The following BRSK1 variants were observed in gnomAD, a reference collection of about 807,000 sequenced individuals.
BRSK1 encodes BR serine/threonine kinase 1, also known as serine/threonine-protein kinase BRSK1.
A neutral mutation model predicts 86.2 loss-of-function variants in BRSK1; 17 were observed. The observed-to-expected ratio is 0.20, with a 90% CI of 0.14 to 0.30. The LOEUF is 0.30. Ranked by LOEUF, BRSK1 falls within the 10% of genes least tolerant of loss-of-function variation. The pLI is 1.00. For missense variants in BRSK1, 719 were observed against 1,071.9 expected, an observed-to-expected ratio of 0.67 and a Z score of 4.60; for synonymous variants, 464 against 440.1, an observed-to-expected ratio of 1.05 and a Z score of -0.68.
rs545385444 is a variant in BRSK1, at chr19:55,303,210, A to G, written c.1029-101A>G. 11 of 934,792 alleles carry G rather than the reference A, an allele frequency of 1.2e-5. No individual in the cohort carries two copies. The South Asian group carries it at 1.3e-4, about 11-fold the overall frequency. The allele number at this position is 934,792 out of a possible 1,614,324, so 57.9% of individuals were successfully genotyped here. ...ACTGATACCTAGAAAAAATGGAACC[A>G]TGGGCAGAAATACAGGGAGCGGAGG... On this transcript the variant is annotated intron_variant, in intron 10 of 18. Coordinates refer to ENST00000309383, the MANE Select transcript of BRSK1 (RefSeq NM_032430.2). This position sits in a 1 kb window ranked among gnomAD's most constrained non-coding sequence, Gnocchi z 5.1.
chr19:55,285,646 C>T (rs1178507797), intron 1 of BRSK1, among the ~76,000 whole-genome samples: 1 of 152,134 alleles, frequency 6.6e-6, no homozygotes, highest in East Asian at 1.9e-4. Context: ...AGGCGCGTCT[C>T]CTGGAGCGGC....
intron 4 of BRSK1, among the ~76,000 whole-genome samples, chr19:55,290,465 GA>G (rs1435830546): frequency 1.3e-5 from 2 of 151,818 alleles, no homozygotes; most frequent in Non-Finnish European, 2.9e-5. Flanking sequence ...ATTTAACAAA[GA>G]AAAAAAGAAT....
intron 16 of BRSK1, 26 bp downstream of exon 16, chr19:55,305,612 C>T (rs1018451670): frequency 6.2e-7 from 1 of 1,613,436 alleles, no homozygotes; most frequent in Non-Finnish European, 8.5e-7. Context: ...CCCCATCGAG[C>T]CTGGCCCCCG....
At position 55,306,919 on chromosome 19, in the gene BRSK1, G is replaced by A. The variant is rs1024267755; in HGVS notation, c.2089+469G>A. Among the ~76,000 whole-genome samples, 3 of 152,178 alleles carry A rather than the reference G, an allele frequency of 2.0e-5. No individual in the cohort carries two copies. Among genetic ancestry groups the A allele is most frequent in the African/African-American group, 7.2e-5 (3 of 41,440 alleles). ...GCACACTGCTGTCTAATATCAGTCTGCCCAGAGCAGACATTACCAATTGAT... is the reference window on the plus strand; with the variant it reads ...GCACACTGCTGTCTAATATCAGTCTACCCAGAGCAGACATTACCAATTGAT... On this transcript the variant is annotated intron_variant, in intron 17 of 18. Transcript: ENST00000309383. The surrounding 1 kb of genome is among the most constrained non-coding windows in gnomAD (Gnocchi z 4.7).
chr19:55,290,689 T>C (rs1468738545), intron 4 of BRSK1, among the ~76,000 whole-genome samples: 1 of 151,988 alleles, frequency 6.6e-6, no homozygotes, highest in Non-Finnish European at 1.5e-5. Context: ...TCACCCAGGC[T>C]GGAGTGCAGT....
rs1023580333 is a variant in BRSK1, at chr19:55,304,485, T to C, written c.1348-66T>C. On this transcript the variant is annotated intron_variant, in intron 13 of 18. Transcript: ENST00000309383. This position sits in a 1 kb window ranked among gnomAD's most constrained non-coding sequence, Gnocchi z 5.2. ...CAGCGTCCGTGAGTGTGCGTGTGAGTGGGGCTCCTAGAGCCTCCTGGGAGT... is the reference window on the plus strand; with the variant it reads ...CAGCGTCCGTGAGTGTGCGTGTGAGCGGGGCTCCTAGAGCCTCCTGGGAGT... 11 of 1,467,256 alleles carry C rather than the reference T, an allele frequency of 7.5e-6. No homozygotes were observed. The highest frequency in any genetic ancestry group is 9.0e-6 in the Non-Finnish European group (10 of 1,107,952). The allele number at this position is 1,467,256 out of a possible 1,614,324, so 90.9% of individuals were successfully genotyped here.
chr19:55,286,785 G>A (rs537085893), intron 1 of BRSK1, among the ~76,000 whole-genome samples: 2 of 151,952 alleles, frequency 1.3e-5, no homozygotes, highest in South Asian at 4.2e-4. Flanking sequence ...GCACCTGGCT[G>A]GATGGACAGT....
Position 55,294,576 on chromosome 19 carries a change from A to G in BRSK1, c.678+179A>G, listed in dbSNP as rs556766745. Among the ~76,000 whole-genome samples, 37 of 152,190 alleles carry G rather than the reference A, an allele frequency of 2.4e-4. 1 individual carries two copies. The South Asian group carries it at 7.7e-3, about 32-fold the overall frequency. On this transcript the variant is annotated intron_variant, in intron 7 of 18. Coordinates refer to ENST00000309383, the MANE Select transcript of BRSK1 (RefSeq NM_032430.2). The surrounding 1 kb of genome is among the most constrained non-coding windows in gnomAD (Gnocchi z 4.9). The stretch of plus-strand genomic sequence containing the variant: ...GAGTGCAGTGGTGTGATCTCAGCTC[A>G]CTGCAACCTCTGCCTCCCAGCTTCA...
At position 55,306,277 on chromosome 19, in the gene BRSK1, T is replaced by C; in HGVS notation, c.1916T>C (p.Leu639Pro). The change falls in exon 17 of 19, where the codon CTG becomes CCG. Residue 639 changes from leucine (L) to proline (P), a missense_variant. Coordinates refer to ENST00000309383, the MANE Select transcript of BRSK1 (RefSeq NM_032430.2). The surrounding 1 kb of genome is among the most constrained non-coding windows in gnomAD (Gnocchi z 4.7). ...LSIPSLSHSV[L>P]SQTSFRAEYK... Reference sequence around the variant, plus strand: ...ATCCCCAGCCTGAGTCACAGTGTGCTGTCACAGACCAGCTTCAGGGCCGAG... The same window carrying C: ...ATCCCCAGCCTGAGTCACAGTGTGCCGTCACAGACCAGCTTCAGGGCCGAG... 4 of 1,614,128 alleles carry C rather than the reference T, an allele frequency of 2.5e-6. No homozygotes were observed. Among genetic ancestry groups the C allele is most frequent in the Non-Finnish European group, 3.4e-6 (4 of 1,180,034 alleles).
intron 18 of BRSK1, among the ~76,000 whole-genome samples, chr19:55,309,993 C>G (rs959996929): frequency 1.3e-5 from 2 of 152,140 alleles, no homozygotes; most frequent in Non-Finnish European, 2.9e-5. Flanking sequence ...AGGAAACGGC[C>G]CAGCGTTGAG....
At position 55,302,026 on chromosome 19, in the gene BRSK1, G is replaced by A; in HGVS notation, c.826-111G>A. On this transcript the variant is annotated intron_variant, in intron 8 of 18. Transcript: ENST00000309383. The surrounding 1 kb of genome is among the most constrained non-coding windows in gnomAD (Gnocchi z 6.3). ...GTAATATGTCATCCTGCCCCCGGTG[G>A]GGTGGGCGGGGAGATGATCAGGGAC... The A allele has an allele frequency of 2.5e-6, 3 of 1,218,048 alleles. No homozygotes were observed. The highest frequency in any genetic ancestry group is 1.2e-5 in the South Asian group (1 of 83,200). The allele number at this position is 1,218,048 out of a possible 1,614,324, so 75.5% of individuals were successfully genotyped here.
rs2088613513 is a variant in BRSK1, at chr19:55,304,229, G to T, written c.1347+119G>T. 2 of 1,093,292 alleles carry T rather than the reference G, an allele frequency of 1.8e-6. No individual in the cohort carries two copies. The highest frequency in any genetic ancestry group is 1.3e-6 in the Non-Finnish European group (1 of 772,040). 67.7% of individuals were successfully genotyped at this position (1,093,292 alleles called of 1,614,324 possible). A position where few individuals can be genotyped will look rare whatever the true frequency, so the allele number is the denominator to read the frequency against. On this transcript the variant is annotated intron_variant, in intron 13 of 18. Transcript: ENST00000309383. The surrounding 1 kb of genome is among the most constrained non-coding windows in gnomAD (Gnocchi z 5.2). ...CTTGAGACTTGCTTCTTTGTCCCTG[G>T]AGGGCCAAAGACCCAAGGCCTCCAA...
chr19:55,284,669 G>A (rs1443325343), intron 1 of BRSK1, 91 bp downstream of exon 1: 3 of 1,125,228 alleles, frequency 2.7e-6, no homozygotes, highest in Non-Finnish European at 2.3e-6. Flanking sequence ...GGCAGGGGCT[G>A]GCTGCCCAGA....
Position 55,286,689 on chromosome 19 carries a change from A to T in BRSK1, c.137-318A>T, listed in dbSNP as rs530857567. 5.1e-3 allele frequency among the ~76,000 whole-genome samples: 770 copies of T among 150,380 alleles called. 6 individuals are homozygous for T. Among genetic ancestry groups the T allele is most frequent in the African/African-American group, 0.018 (747 of 40,746 alleles). On this transcript the variant is annotated intron_variant, in intron 1 of 18. Transcript: ENST00000309383. The stretch of plus-strand genomic sequence containing the variant: ...GGGCTTGGAGGAGACAGACTCGGGG[A>T]GACACGGTGAGGAAAGAATGCGTGG...
chr19:55,288,076 T>C (rs1049761187), intron 3 of BRSK1: 2 of 152,974 alleles, frequency 1.3e-5, no homozygotes, highest in Non-Finnish European at 2.9e-5. Flanking sequence ...GGAGGGGCTA[T>C]TGTCCGGACC....
Position 55,305,335 on chromosome 19 carries a change from G to A in BRSK1, c.1732G>A (p.Glu578Lys), listed in dbSNP as rs768355194. The A allele has an allele frequency of 6.2e-7, 1 of 1,614,148 alleles. No individual in the cohort carries two copies. ...RRKMQVPTAEEMSSLTPESSP... is the reference protein window; with the variant it reads ...RRKMQVPTAEKMSSLTPESSP... Reference sequence around the variant, plus strand: ...CCCCCTACCAGTCCCTACCGCTGAGGAGATGTCCAGCTTGACGCCAGAGTC... The same window carrying A: ...CCCCCTACCAGTCCCTACCGCTGAGAAGATGTCCAGCTTGACGCCAGAGTC... Residue 578 changes from glutamate to lysine, a missense_variant, in exon 15 of 19, where the codon GAG (glutamate) becomes AAG (lysine). Physicochemically the swap from Glu to Lys is moderately conservative, Grantham distance 56. This residue lies in a region of BRSK1 where 180 missense variants were observed against 259.4 expected (regional missense o/e 0.69). Coordinates refer to ENST00000309383, the MANE Select transcript of BRSK1 (RefSeq NM_032430.2).
rs1194846883 is a variant in BRSK1 at position 55,310,375 on chromosome 19, G to A, written c.2180-1536G>A. ...TATCCCTCTGACTGACCTTAGCTGG[G>A]AAAAGGTGACTCAGTGGGACCTGCA... On this transcript the variant is annotated intron_variant, in intron 18 of 18. Transcript: ENST00000309383. This position sits in a 1 kb window ranked among gnomAD's most constrained non-coding sequence, Gnocchi z 5.0. 6.6e-6 allele frequency among the ~76,000 whole-genome samples: 1 copy of A among 152,100 alleles called. No individual in the cohort carries two copies. Among genetic ancestry groups the A allele is most frequent in the East Asian group, 1.9e-4 (1 of 5,184 alleles).
In BRSK1 at chr19:55,284,308, C is replaced by T; in HGVS notation, c.-135C>T. ...CGACTGGGGGGGGCCAGCCCAGCCCCCTGGGGACCCCCGGAGAGGTGGGGG... is the reference window on the plus strand; with the variant it reads ...CGACTGGGGGGGGCCAGCCCAGCCCTCTGGGGACCCCCGGAGAGGTGGGGG... On this transcript the variant is annotated 5_prime_UTR_variant, in exon 1 of 19. Coordinates refer to ENST00000309383, the MANE Select transcript of BRSK1 (RefSeq NM_032430.2). 1.3e-6 allele frequency: 1 copy of T among 747,720 alleles called. No individual in the cohort carries two copies. The highest frequency in any genetic ancestry group is 1.8e-6 in the Non-Finnish European group (1 of 546,878). The allele number at this position is 747,720 out of a possible 1,614,324, so 46.3% of individuals were successfully genotyped here.
Position 55,304,659 on chromosome 19 carries a change from G to T in BRSK1, c.1456G>T (p.Gly486Trp). ...GCTGCCTTCTCGGGGCCCCAGGGGT[G>T]GGGGCGCCGGGGAGCAGCCCCCGCC... ...QTLPSRGPRGGGAGEQPPPPS... is the reference protein window; with the variant it reads ...QTLPSRGPRGWGAGEQPPPPS... The change falls in exon 14 of 19, where the codon GGG (glycine) becomes TGG (tryptophan). Residue 486 changes from glycine to tryptophan, a missense_variant. Coordinates refer to ENST00000309383, the MANE Select transcript of BRSK1 (RefSeq NM_032430.2). This position sits in a 1 kb window ranked among gnomAD's most constrained non-coding sequence, Gnocchi z 5.2. The T allele has an allele frequency of 2.0e-6, 3 of 1,496,386 alleles. No homozygotes were observed. 92.7% of individuals were successfully genotyped at this position (1,496,386 alleles called of 1,614,324 possible). A position where few individuals can be genotyped will look rare whatever the true frequency, so the allele number is the denominator to read the frequency against.
Sources: allele counts gnomAD v4.1 joint callset (sites outside exome capture counted in the v4.1 genomes callset), GRCh38; gene constraint gnomAD v4.1.1; regional missense constraint gnomAD v4.1.1; non-coding constraint Gnocchi (gnomAD v3.1); transcripts MANE v1.5; gene names NCBI Gene and HGNC (gene_info 2026-07-23, HGNC 2026-07-21).